Variants in KAT2B observed in about 807,000 individuals in gnomAD.
The protein encoded by KAT2B is lysine acetyltransferase 2B.
In KAT2B, 36 loss-of-function variants were observed where a neutral mutation model predicts 105.9. The observed-to-expected ratio is 0.34, with a 90% CI of 0.26 to 0.45. The LOEUF is 0.45. KAT2B is among the 20% of genes least tolerant of loss of function. The pLI is 1.00. For missense variants in KAT2B, 820 were observed against 1,021.6 expected, an observed-to-expected ratio of 0.80 and a Z score of 2.69; for synonymous variants, 397 against 377.9, an observed-to-expected ratio of 1.05 and a Z score of -0.59.
At chr3:20,118,250 T>C (rs891098980) in intron 7 of KAT2B, among the ~76,000 whole-genome samples, 2 of 146,538 alleles carry the variant, frequency 1.4e-5, no homozygotes, top group Admixed American at 6.9e-5. Flanking sequence ...TTTACATTTT[T>C]ACAAAAATAT....
chr3:20,079,753 T>A (rs1030372887), intron 2 of KAT2B, among the ~76,000 whole-genome samples: 8 of 152,180 alleles, frequency 5.3e-5, no homozygotes, highest in African/African-American at 1.2e-4. Context: ...CCAAAGGACG[T>A]AAACATGGGG....
At position 20,148,502 on chromosome 3, in the gene KAT2B, A is replaced by G. The variant is rs775303782; in HGVS notation, c.2305+15A>G. On this transcript the variant is annotated intron_variant, in intron 17 of 17. Coordinates refer to ENST00000263754, the MANE Select transcript of KAT2B (RefSeq NM_003884.5). ...GTTCCCCATGGGTAATACCATTAAC[A>G]TTTTCTAAGTATAGATTTAAAACTC... is the stretch of plus-strand genomic sequence containing the variant. 2 of 1,534,320 alleles carry G rather than the reference A, an allele frequency of 1.3e-6. No individual in the cohort carries two copies. The highest frequency in any genetic ancestry group is 2.8e-5 in the African/African-American group (2 of 71,482).
intron 5 of KAT2B, among the ~76,000 whole-genome samples, chr3:20,109,736 C>G (rs1431699339): frequency 6.6e-6 from 1 of 152,096 alleles, no homozygotes; most frequent in Non-Finnish European, 1.5e-5. Context: ...AATAAATGCA[C>G]TTTATAATTT....
At chr3:20,149,818 A>G (rs1192915531) in intron 17 of KAT2B, among the ~76,000 whole-genome samples, 1 of 152,176 alleles carries the variant, frequency 6.6e-6, no homozygotes, top group African/African-American at 2.4e-5. Context: ...AATATTGTCC[A>G]CTATGTGCAA....
rs373908956 is a variant in KAT2B, at chr3:20,137,069, G to A, written c.1860+17G>A. On this transcript the variant is annotated intron_variant, in intron 12 of 17. Transcript: ENST00000263754. ...AAGAAACAGGTTGGTTTCTCACCACGCAACACTGTTTTGTCACTCCTTTTC... is the reference window on the plus strand; with the variant it reads ...AAGAAACAGGTTGGTTTCTCACCACACAACACTGTTTTGTCACTCCTTTTC... The A allele has an allele frequency of 5.8e-6, 7 of 1,207,676 alleles. No individual in the cohort carries two copies. The highest frequency in any genetic ancestry group is 1.7e-5 in the Admixed American group (1 of 59,178). The allele number at this position is 1,207,676 out of a possible 1,614,324, so 74.8% of individuals were successfully genotyped here. A position where few individuals can be genotyped will look rare whatever the true frequency, so the allele number is the denominator to read the frequency against.
intron 8 of KAT2B, among the ~76,000 whole-genome samples, chr3:20,121,273 T>G (rs1054506054): frequency 6.6e-6 from 1 of 152,190 alleles, no homozygotes; most frequent in Non-Finnish European, 1.5e-5. Context: ...CAACTAGAGA[T>G]AGTGAGAATG....
chr3:20,124,699 G>A (rs1699368535), intron 9 of KAT2B, among the ~76,000 whole-genome samples: 2 of 152,188 alleles, frequency 1.3e-5, no homozygotes, highest in Admixed American at 6.5e-5. Context: ...GTGTACTAGA[G>A]CTGGCTTGTA....
intron 2 of KAT2B, among the ~76,000 whole-genome samples, chr3:20,073,670 T>A (rs1246226510): frequency 6.6e-6 from 1 of 152,148 alleles, no homozygotes; most frequent in African/African-American, 2.4e-5. Context: ...AGAGCAAAAA[T>A]TTCAAAAGTT....
chr3:20,046,628 A>G (rs1011166949), intron 1 of KAT2B, among the ~76,000 whole-genome samples: 8 of 152,212 alleles, frequency 5.3e-5, no homozygotes, highest in Non-Finnish European at 8.8e-5. Flanking sequence ...CAGAGAGCAG[A>G]GGTAGATGTG....
At chr3:20,053,148 A>C (rs1265792813) in intron 1 of KAT2B, among the ~76,000 whole-genome samples, 1 of 152,170 alleles carries the variant, frequency 6.6e-6, no homozygotes, top group African/African-American at 2.4e-5. Flanking sequence ...TTATGGCCTG[A>C]ACGTCTCCTA....
intron 7 of KAT2B, among the ~76,000 whole-genome samples, chr3:20,118,635 A>G (rs1299192201): frequency 1.3e-5 from 2 of 149,590 alleles, no homozygotes; most frequent in Non-Finnish European, 3.0e-5. Flanking sequence ...AGGCAGGAGA[A>G]TAGCTTGAAC....
At chr3:20,126,235 T>C in intron 10 of KAT2B, 122 bp downstream of exon 10, 1 of 772,832 alleles carries the variant, frequency 1.3e-6, no homozygotes, top group Non-Finnish European at 2.1e-6. Context: ...TTGCTGTGGA[T>C]ACAGAGCTTC....
intron 5 of KAT2B, among the ~76,000 whole-genome samples, chr3:20,106,359 C>T (rs931052695): frequency 6.6e-6 from 1 of 152,224 alleles, no homozygotes; most frequent in Non-Finnish European, 1.5e-5. Flanking sequence ...TACATGTGCT[C>T]ATGCACGTCC....
At chr3:20,144,399 C>T (rs1474473596) in intron 13 of KAT2B, among the ~76,000 whole-genome samples, 1 of 147,856 alleles carries the variant, frequency 6.8e-6, no homozygotes, top group Non-Finnish European at 1.5e-5. Flanking sequence ...CACCATTCTC[C>T]TTCCTCAGCC....
intron 5 of KAT2B, among the ~76,000 whole-genome samples, chr3:20,105,525 C>T (rs533243483): frequency 1.3e-5 from 2 of 152,218 alleles, no homozygotes; most frequent in East Asian, 3.9e-4. Flanking sequence ...CCTGTAATCC[C>T]AGCAACTTTG....
At chr3:20,066,770 C>T (rs1041369639) in intron 1 of KAT2B, among the ~76,000 whole-genome samples, 2 of 151,344 alleles carry the variant, frequency 1.3e-5, no homozygotes, top group African/African-American at 4.9e-5. Context: ...ATCAGAAAAG[C>T]CAAAAATTTA....
intron 1 of KAT2B, among the ~76,000 whole-genome samples, chr3:20,048,874 C>T (rs1436216704): frequency 6.6e-6 from 1 of 151,988 alleles, no homozygotes; most frequent in African/African-American, 2.4e-5. Flanking sequence ...GGCAGCGCCC[C>T]CCTTTTCTTT....
chr3:20,077,866 T>G (rs923778629), intron 2 of KAT2B, among the ~76,000 whole-genome samples: 1 of 152,198 alleles, frequency 6.6e-6, no homozygotes, highest in Admixed American at 6.5e-5. Context: ...TTTCTTATTT[T>G]GGGACTGCTA....
At chr3:20,047,013 C>T (rs1011556716) in intron 1 of KAT2B, among the ~76,000 whole-genome samples, 1 of 152,048 alleles carries the variant, frequency 6.6e-6, no homozygotes, top group African/African-American at 2.4e-5. Context: ...GTTGAGAAAG[C>T]CTGTTTTAGA....
Sources: gnomAD v4.1 joint callset for allele counts (sites outside exome capture counted in the v4.1 genomes callset) on GRCh38, gnomAD v4.1.1 for gene constraint, MANE v1.5 for transcripts, NCBI Gene and HGNC (gene_info 2026-07-23, HGNC 2026-07-21) for gene names.